Variants in ZGRF1 observed in about 807,000 individuals in gnomAD.
The protein encoded by ZGRF1 is zinc finger GRF-type containing 1.
In ZGRF1, 196 loss-of-function variants were observed where a neutral mutation model predicts 203.5. The ratio of observed to expected loss-of-function variants is 0.96; its 90% CI spans 0.86 to 1.08. ZGRF1 has a LOEUF of 1.08. ZGRF1 is among the 50% of genes least tolerant of loss of function. ZGRF1 has a pLI of 0.00. For missense variants in ZGRF1, 2,326 were observed against 2,416.3 expected (o/e 0.96, Z 0.78); for synonymous variants, 809 against 841.3 (o/e 0.96, Z 0.66).
At chr4:112,548,408 T>G in intron 22 of ZGRF1, 28 bp from the exon 23 acceptor site, 2 of 1,517,690 alleles carry the variant, frequency 1.3e-6, no homozygotes, top group Non-Finnish European at 1.8e-6. Flanking sequence ...TGTTATTAAT[T>G]AACAATTATT....
chr4:112,602,633 C>T (rs2149092424), intron 10 of ZGRF1, among the ~76,000 whole-genome samples: 1 of 152,302 alleles, frequency 6.6e-6, no homozygotes, highest in African/African-American at 2.4e-5. Flanking sequence ...AGTCCCTTAA[C>T]ACAAATAACA....
chr4:112,603,483 G>A (rs1435207287), intron 10 of ZGRF1, 41 bp downstream of exon 10: 1 of 1,463,230 alleles, frequency 6.8e-7, no homozygotes, highest in Admixed American at 1.8e-5. Context: ...TTAACATAAA[G>A]AAAATGATTT....
At chr4:112,622,520 G>GAAAAAAA (rs5861105) in intron 4 of ZGRF1, among the ~76,000 whole-genome samples, 2 of 75,254 alleles carry the variant, frequency 2.7e-5, no homozygotes, top group Non-Finnish European at 4.8e-5. Context: ...ACTCCATCTC[G>GAAAAAAA]AAAAAAAAAA....
intron 14 of ZGRF1, among the ~76,000 whole-genome samples, chr4:112,584,847 A>G (rs1488015815): frequency 1.3e-5 from 2 of 152,206 alleles, no homozygotes; most frequent in East Asian, 1.9e-4. Context: ...AATGAGTATA[A>G]GTCATCAATC....
At chr4:112,597,578 C>T (rs1749242822) in intron 10 of ZGRF1, among the ~76,000 whole-genome samples, 1 of 151,384 alleles carries the variant, frequency 6.6e-6, no homozygotes, top group Non-Finnish European at 1.5e-5. Context: ...GAAGGCACTG[C>T]TAAATTTAAA....
At chr4:112,612,461 T>C (rs1054099579) in intron 7 of ZGRF1, 63 bp downstream of exon 7, 6 of 1,074,850 alleles carry the variant, frequency 5.6e-6, no homozygotes, top group Middle Eastern at 3.0e-4. Flanking sequence ...ATAATTCTAT[T>C]ACAAATTATA....
intron 24 of ZGRF1, 35 bp from the exon 25 acceptor site, chr4:112,541,303 T>G (rs1461958320): frequency 6.3e-6 from 8 of 1,276,978 alleles, no homozygotes; most frequent in Non-Finnish European, 8.5e-6. Flanking sequence ...TAAAACATAA[T>G]TTTTTTGTTC....
chr4:112,553,760 A>G, intron 22 of ZGRF1, 75 bp downstream of exon 22: 1 of 1,315,534 alleles, frequency 7.6e-7, no homozygotes, highest in Non-Finnish European at 1.0e-6. Flanking sequence ...AGGAAATATT[A>G]TTTCATCAAC....
At chr4:112,598,972 G>T (rs1015731448) in intron 10 of ZGRF1, among the ~76,000 whole-genome samples, 1 of 151,976 alleles carries the variant, frequency 6.6e-6, no homozygotes, top group African/African-American at 2.4e-5. Flanking sequence ...AATCACTTGA[G>T]CCTGGGAGAC....
chr4:112,542,998 C>G (rs1223682944), intron 24 of ZGRF1, among the ~76,000 whole-genome samples: 4 of 151,844 alleles, frequency 2.6e-5, no homozygotes, highest in Non-Finnish European at 5.9e-5. Flanking sequence ...ACCCAGCTTG[C>G]CTTTTCTCTT....
intron 6 of ZGRF1, among the ~76,000 whole-genome samples, chr4:112,616,135 A>G (rs757620036): frequency 4.6e-5 from 7 of 152,220 alleles, no homozygotes; most frequent in Admixed American, 2.0e-4. Flanking sequence ...TAATATTGAT[A>G]TAACAATTTG....
chr4:112,600,031 T>A (rs1202509126), intron 10 of ZGRF1, among the ~76,000 whole-genome samples: 1 of 151,672 alleles, frequency 6.6e-6, no homozygotes, highest in Non-Finnish European at 1.5e-5. Flanking sequence ...ATCTTCATGA[T>A]CTTGAGGTAA....
chr4:112,617,225 C>T (rs1560864427), intron 6 of ZGRF1, among the ~76,000 whole-genome samples: 1 of 152,100 alleles, frequency 6.6e-6, no homozygotes, highest in Non-Finnish European at 1.5e-5. Flanking sequence ...TAGAAGAAAA[C>T]TGTAGCTAAT....
chr4:112,600,253 T>G lies in ZGRF1; in HGVS notation c.2976+3271A>C, dbSNP rs571543341. 2.6e-5 allele frequency among the ~76,000 whole-genome samples: 4 copies of G among 152,258 alleles called. No homozygotes were observed. In the East Asian group the frequency reaches 7.7e-4, roughly 29 times the overall value. On this transcript the variant is annotated intron_variant, in intron 10 of 27. Transcript: ENST00000505019. The stretch of plus-strand genomic sequence containing the variant: ...CTCACTATGTTGCCCAGGCTGGTCT[T>G]GAATTCCTTGCCTTAAGTGATCCTC...
rs369864596 is a variant in ZGRF1, at chr4:112,579,224, G to A, written c.4438+2439C>T. On this transcript the variant is annotated intron_variant, in intron 16 of 27. Coordinates refer to ENST00000505019, the MANE Select transcript of ZGRF1 (RefSeq NM_018392.5). ...AGGCCTTTGACAAAATTCAACAACC[G>A]TTCATGCTAAAAACTCTCAATAAGT... Among the ~76,000 whole-genome samples, 21 of 122,408 alleles carry A rather than the reference G, an allele frequency of 1.7e-4. 5 individuals are homozygous for A. Among genetic ancestry groups the A allele is most frequent in the Admixed American group, 1.4e-3 (15 of 10,692 alleles). 80.3% of individuals were successfully genotyped at this position (122,408 alleles called of 152,430 possible).
chr4:112,572,911 G>GAA (rs1744448154), intron 16 of ZGRF1, among the ~76,000 whole-genome samples: 1 of 152,068 alleles, frequency 6.6e-6, no homozygotes, highest in African/African-American at 2.4e-5. Context: ...ATAGATGTTG[G>GAA]CAGGGATGAA....
chr4:112,558,012 G>C lies in ZGRF1; in HGVS notation c.5120+138C>G, dbSNP rs536931315. The stretch of plus-strand genomic sequence containing the variant: ...GCCCATTACTGTTTCATAGATGCTG[G>C]CTTCTGGGTCAGAGACAAAGGTCTT... On this transcript the variant is annotated intron_variant, in intron 20 of 27. Transcript: ENST00000505019. The C allele has an allele frequency of 7.2e-4, 505 of 700,374 alleles. 1 individual carries two copies. Among genetic ancestry groups the C allele is most frequent in the Admixed American group, 2.1e-3 (71 of 34,268 alleles). 43.4% of individuals were successfully genotyped at this position (700,374 alleles called of 1,614,324 possible).
intron 3 of ZGRF1, among the ~76,000 whole-genome samples, chr4:112,630,421 G>A (rs2149208786): frequency 6.6e-6 from 1 of 152,258 alleles, no homozygotes; most frequent in South Asian, 2.1e-4. Context: ...AGGAGGCTGA[G>A]GCAGGAGAAT....
At chr4:112,582,566 GTC>G (rs1560801321) in intron 15 of ZGRF1, among the ~76,000 whole-genome samples, 1 of 151,844 alleles carries the variant, frequency 6.6e-6, no homozygotes, top group East Asian at 1.9e-4. Flanking sequence ...CCATCCTCCC[GTC>G]TCAGCCTCCC....
Sources: gnomAD v4.1 joint callset for allele counts (sites outside exome capture counted in the v4.1 genomes callset) on GRCh38, gnomAD v4.1.1 for gene constraint, MANE v1.5 for transcripts, NCBI Gene and HGNC (gene_info 2026-07-23, HGNC 2026-07-21) for gene names.